LRP1B: variants seen among roughly 807,000 people sequenced by gnomAD.
LRP1B encodes low-density lipoprotein receptor-related protein 1B.
A neutral mutation model predicts 556.6 loss-of-function variants in LRP1B; 217 were observed. The ratio of observed to expected loss-of-function variants is 0.39; its 90% CI spans 0.35 to 0.44. The LOEUF is 0.44. Among genes scored for constraint, LRP1B ranks in the 20% least tolerant of loss-of-function variants. The probability of loss-of-function intolerance (pLI) is 1.00; values close to 1 mark genes in which losing one functional copy is unlikely to be tolerated. For missense variants in LRP1B, 5,053 were observed against 5,620.8 expected (o/e 0.90, Z 3.23); for synonymous variants, 2,047 against 1,865.8 (o/e 1.10, Z -2.50).
intron 15 of LRP1B, among the ~76,000 whole-genome samples, 178 bp from the exon 16 acceptor site, chr2:140,994,313 T>C (rs1697179356): frequency 6.6e-6 from 1 of 151,928 alleles, no homozygotes; most frequent in South Asian, 2.1e-4. Context: ...TTCATCCAAG[T>C]TGTTGCAATT....
At chr2:141,461,649 C>T (rs1681876824) in intron 3 of LRP1B, among the ~76,000 whole-genome samples, 1 of 152,112 alleles carries the variant, frequency 6.6e-6, no homozygotes, top group African/African-American at 2.4e-5. Context: ...AAAATATAAA[C>T]AAAGCAACCA....
intron 3 of LRP1B, among the ~76,000 whole-genome samples, chr2:141,402,227 C>G (rs1690474806): frequency 6.6e-6 from 1 of 151,988 alleles, no homozygotes. Flanking sequence ...CTGTTTTGAA[C>G]TAGGAGTTGT....
At chr2:141,598,290 A>G (rs1382559553) in intron 2 of LRP1B, among the ~76,000 whole-genome samples, 2 of 152,068 alleles carry the variant, frequency 1.3e-5, no homozygotes, top group African/African-American at 4.8e-5. Context: ...TACTTGAAAT[A>G]AAAAGCAATA....
At chr2:140,529,558 G>A (rs1690597040) in intron 47 of LRP1B, among the ~76,000 whole-genome samples, 1 of 151,804 alleles carries the variant, frequency 6.6e-6, no homozygotes, top group Admixed American at 6.6e-5. Flanking sequence ...AAGGAATGCC[G>A]ATTTCTTCTC....
intron 20 of LRP1B, among the ~76,000 whole-genome samples, chr2:140,944,671 T>C (rs1695492620): frequency 6.6e-6 from 1 of 152,128 alleles, no homozygotes. Flanking sequence ...CATATGATCA[T>C]CTCAATAGAT....
chr2:140,910,492 T>C (rs1573869681), intron 21 of LRP1B, among the ~76,000 whole-genome samples: 1 of 151,836 alleles, frequency 6.6e-6, no homozygotes, highest in Admixed American at 6.6e-5. Flanking sequence ...TTATTCCATA[T>C]TGCAACAATA....
intron 43 of LRP1B, among the ~76,000 whole-genome samples, chr2:140,564,401 C>A (rs1384908962): frequency 6.6e-6 from 1 of 152,026 alleles, no homozygotes; most frequent in African/African-American, 2.4e-5. Context: ...GAATTTAAAA[C>A]CACTTTAATC....
intron 89 of LRP1B, among the ~76,000 whole-genome samples, chr2:140,235,514 CTG>C (rs1296965434): frequency 2.0e-5 from 3 of 151,020 alleles, no homozygotes; most frequent in African/African-American, 7.3e-5. Context: ...TTAGAACTAG[CTG>C]TTTTTTTCTG....
chr2:141,615,253 T>C (rs1199967783), intron 2 of LRP1B, among the ~76,000 whole-genome samples: 2 of 152,222 alleles, frequency 1.3e-5, no homozygotes, highest in African/African-American at 4.8e-5. Context: ...CTAATTTCTC[T>C]TTGCTGCTTA....
chr2:141,963,336 C>T (rs1172450118), intron 1 of LRP1B, among the ~76,000 whole-genome samples: 1 of 151,744 alleles, frequency 6.6e-6, no homozygotes, highest in Non-Finnish European at 1.5e-5. Flanking sequence ...TGAGAATAAT[C>T]AACTGACCAT....
chr2:141,726,493 T>C (rs1558831468), intron 2 of LRP1B, among the ~76,000 whole-genome samples: 1 of 152,188 alleles, frequency 6.6e-6, no homozygotes, highest in Non-Finnish European at 1.5e-5. Flanking sequence ...CTATTTATTA[T>C]TCTTGAAGTT....
At chr2:141,914,588 C>T (rs1458066041) in intron 1 of LRP1B, among the ~76,000 whole-genome samples, 1 of 152,120 alleles carries the variant, frequency 6.6e-6, no homozygotes, top group Non-Finnish European at 1.5e-5. Context: ...TGATATGATT[C>T]CATACCTAGA....
intron 2 of LRP1B, chr2:141,805,626 G>A (rs1364951742): frequency 2.0e-5 from 3 of 152,038 alleles, no homozygotes; most frequent in Admixed American, 6.6e-5. Context: ...TTTCAGCTAC[G>A]CTACTACAAC....
Position 140,475,193 on chromosome 2 carries a change from C to A in LRP1B, c.9570G>T (p.Trp3190Cys). The change falls in exon 60 of 91, where the codon TGG (tryptophan) becomes TGT (cysteine). Residue 3190 changes from tryptophan (W) to cysteine (C), a missense_variant. By Grantham distance (215) the Trp-to-Cys change is radical. Around this residue, in one of 5 missense-constraint regions of LRP1B, gnomAD observed 3,619 missense variants for 3,931.9 expected, o/e 0.92. Transcript: ENST00000389484. Reference protein sequence around the residue: ...TIDYVNRRLYWADENHIEFSN... With the variant: ...TIDYVNRRLYCADENHIEFSN... ...TAAATTCAATGTGATTTTCATCGGC[C>A]CAGTAGAGTCTACGATTAACATAAT... is the stretch of plus-strand genomic sequence containing the variant. 1 of 1,610,658 alleles carries A rather than the reference C, an allele frequency of 6.2e-7. No individual in the cohort carries two copies. The highest frequency in any genetic ancestry group is 8.5e-7 in the Non-Finnish European group (1 of 1,178,202).
chr2:142,085,257 T>C (rs1440937445), intron 1 of LRP1B, among the ~76,000 whole-genome samples: 1 of 152,218 alleles, frequency 6.6e-6, no homozygotes, highest in Non-Finnish European at 1.5e-5. Flanking sequence ...GATGTCTTCC[T>C]GGCTCCTCAA....
intron 7 of LRP1B, among the ~76,000 whole-genome samples, chr2:141,088,453 G>C (rs1553458106): frequency 6.6e-6 from 1 of 152,088 alleles, no homozygotes; most frequent in Non-Finnish European, 1.5e-5. Flanking sequence ...TCAAAGTCCT[G>C]CTTGAAAATG....
intron 1 of LRP1B, among the ~76,000 whole-genome samples, chr2:141,840,566 C>A (rs529152826): frequency 5.3e-5 from 8 of 152,054 alleles, no homozygotes; most frequent in African/African-American, 1.9e-4. Context: ...ATTATTAGAA[C>A]AAATTTCATC....
At chr2:142,050,964 A>T (rs982303381) in intron 1 of LRP1B, among the ~76,000 whole-genome samples, 1 of 152,194 alleles carries the variant, frequency 6.6e-6, no homozygotes, top group African/African-American at 2.4e-5. Context: ...TTAATATTAA[A>T]GTTACAGTCC....
chr2:141,454,558 C>A (rs969853565), intron 3 of LRP1B, among the ~76,000 whole-genome samples: 5 of 85,302 alleles, frequency 5.9e-5, no homozygotes, highest in African/African-American at 2.2e-4. Flanking sequence ...TTCTTTTAAC[C>A]GAACAAATGA....
Sources: allele counts gnomAD v4.1 joint callset (sites outside exome capture counted in the v4.1 genomes callset), GRCh38; gene constraint gnomAD v4.1.1; regional missense constraint gnomAD v4.1.1; transcripts MANE v1.5; gene names NCBI Gene and HGNC (gene_info 2026-07-23, HGNC 2026-07-21).